Variants in ZNF423 observed in about 807,000 individuals in gnomAD.
ZNF423 encodes the protein zinc finger protein 423, also known as Ebf-associated zinc finger protein.
ZNF423 carries 12 observed loss-of-function variants against 95.8 expected under a neutral mutation model. That is an observed-to-expected ratio of 0.13 (90% CI 0.08 to 0.20). ZNF423 has a LOEUF of 0.20. Ranked by LOEUF, ZNF423 falls within the 10% of genes least tolerant of loss-of-function variation. The pLI, the probability that ZNF423 is intolerant of heterozygous loss-of-function variation, is 1.00. For synonymous variants in ZNF423, 749 were observed against 711.9 expected (o/e 1.05, Z -0.83); for missense variants, 1,316 against 1,737.1 (o/e 0.76, Z 4.31).
chr16:49,666,583 C>A (rs1006647235), intron 3 of ZNF423, among the ~76,000 whole-genome samples: 1 of 152,190 alleles, frequency 6.6e-6, no homozygotes, highest in Admixed American at 6.5e-5. Flanking sequence ...CATGGTTATA[C>A]TCAATTACAT....
At chr16:49,852,481 C>T (rs1253035945) in intron 1 of ZNF423, among the ~76,000 whole-genome samples, 1 of 152,130 alleles carries the variant, frequency 6.6e-6, no homozygotes, top group Non-Finnish European at 1.5e-5. Context: ...GAGAGAACTG[C>T]AGTGGTAATC....
At chr16:49,794,044 TC>T (rs1327980395) in intron 1 of ZNF423, among the ~76,000 whole-genome samples, 11 of 151,786 alleles carry the variant, frequency 7.2e-5, no homozygotes, top group Non-Finnish European at 1.5e-4. Flanking sequence ...TCTCTCTCTC[TC>T]TCGCTCTCTG....
At chr16:49,530,452 C>T (rs1295814634) in intron 5 of ZNF423, among the ~76,000 whole-genome samples, 1 of 152,182 alleles carries the variant, frequency 6.6e-6, no homozygotes, top group African/African-American at 2.4e-5. Context: ...CCGTCCCTCC[C>T]TCCCTCCGGC....
intron 3 of ZNF423, among the ~76,000 whole-genome samples, chr16:49,647,496 T>C (rs1315824232): frequency 6.6e-6 from 1 of 152,210 alleles, no homozygotes; most frequent in East Asian, 1.9e-4. Context: ...AAAGAGATTA[T>C]CCTGGATTAT....
intron 2 of ZNF423, among the ~76,000 whole-genome samples, chr16:49,745,298 T>C (rs1439350887): frequency 6.6e-6 from 1 of 152,222 alleles, no homozygotes; most frequent in Non-Finnish European, 1.5e-5. Flanking sequence ...CCAAAACACT[T>C]ATGTTACTAA....
chr16:49,644,247 A>C (rs1261049521), intron 3 of ZNF423, among the ~76,000 whole-genome samples: 1 of 152,132 alleles, frequency 6.6e-6, no homozygotes. Flanking sequence ...AGAGGCCCTA[A>C]AAAGAACACT....
At chr16:49,612,679 G>C (rs1971765418) in intron 5 of ZNF423, among the ~76,000 whole-genome samples, 1 of 152,172 alleles carries the variant, frequency 6.6e-6, no homozygotes, top group Middle Eastern at 3.4e-3. Flanking sequence ...GGTCTAGCCA[G>C]GGCAATAAGG....
At chr16:49,555,642 G>C (rs1285466172) in intron 5 of ZNF423, among the ~76,000 whole-genome samples, 1 of 152,202 alleles carries the variant, frequency 6.6e-6, no homozygotes, top group Non-Finnish European at 1.5e-5. Context: ...ATGGATAGAT[G>C]GTGGATGGGT....
At chr16:49,718,896 A>G (rs1198787009) in intron 3 of ZNF423, among the ~76,000 whole-genome samples, 1 of 152,172 alleles carries the variant, frequency 6.6e-6, no homozygotes. Flanking sequence ...AATTTGGGGG[A>G]AAAGCAAACA....
At chr16:49,510,078 G>A (rs1029202025) in intron 7 of ZNF423, among the ~76,000 whole-genome samples, 1 of 152,200 alleles carries the variant, frequency 6.6e-6, no homozygotes, top group African/African-American at 2.4e-5. Context: ...GCTTAAACTC[G>A]CTGTTGAGCC....
rs1050518611 is a variant in ZNF423 at position 49,723,113 on chromosome 16, G to A, written c.301+7658C>T. 1.5e-4 allele frequency among the ~76,000 whole-genome samples: 23 copies of A among 151,846 alleles called. 1 individual carries two copies. In the Middle Eastern group the frequency reaches 0.01, roughly 67 times the overall value. On this transcript the variant is annotated intron_variant, in intron 3 of 7. Transcript: ENST00000563137. Reference sequence around the variant, plus strand: ...TGGGACTACAGGCACCCGCCACCACGCCCGGCTAATTTTTTGTATTTTCAG... The same window carrying A: ...TGGGACTACAGGCACCCGCCACCACACCCGGCTAATTTTTTGTATTTTCAG...
At position 49,637,317 on chromosome 16, in the gene ZNF423, A is replaced by C; in HGVS notation, c.1859T>G (p.Val620Gly). 3.1e-6 allele frequency: 5 copies of C among 1,614,056 alleles called. No individual in the cohort carries two copies. The highest frequency in any genetic ancestry group is 4.2e-6 in the Non-Finnish European group (5 of 1,180,022). Residue 620 changes from valine (V) to glycine (G), a missense_variant, in exon 4 of 8, where the codon GTG (valine) becomes GGG (glycine). This residue lies in a region of ZNF423 where 620 missense variants were observed against 775.6 expected (regional missense o/e 0.80). Transcript: ENST00000563137. This position sits in a 1 kb window ranked among gnomAD's most constrained non-coding sequence, Gnocchi z 5.6. The stretch of plus-strand genomic sequence containing the variant: ...GAGCCGCTGCCGCTTCGGGGAAGAC[A>C]CCTCCACATCGGACGAGACTGGGCT... ...EQSPVSSDVE[V>G]SSPKRQRLSA... is the part of the protein sequence containing the mutation.
intron 5 of ZNF423, among the ~76,000 whole-genome samples, chr16:49,625,387 C>A (rs530769630): frequency 2.6e-4 from 40 of 152,310 alleles, no homozygotes; most frequent in African/African-American, 7.9e-4. Flanking sequence ...AAGTTCAACC[C>A]ATGGCTGCAA....
At position 49,638,313 on chromosome 16, in the gene ZNF423, T is replaced by C; in HGVS notation, c.863A>G (p.Lys288Arg). The change falls in exon 4 of 8, where the codon AAG becomes AGG. Residue 288 changes from lysine to arginine, a missense_variant. Around this residue, in one of 6 missense-constraint regions of ZNF423, gnomAD observed 399 missense variants for 478.5 expected, o/e 0.83. Coordinates refer to ENST00000563137, the MANE Select transcript of ZNF423 (RefSeq NM_001379286.1). The surrounding 1 kb of genome is among the most constrained non-coding windows in gnomAD (Gnocchi z 5.6). ...CTGCGGGTGGCGGGTGAGCACGTGCTTCTCCAGCTCCTCCGTCTGGCTGAA... is the reference window on the plus strand; with the variant it reads ...CTGCGGGTGGCGGGTGAGCACGTGCCTCTCCAGCTCCTCCGTCTGGCTGAA... ...DTFSQTEELE[K>R]HVLTRHPQLS... The C allele has an allele frequency of 6.2e-7, 1 of 1,614,016 alleles. No homozygotes were observed. The highest frequency in any genetic ancestry group is 1.3e-5 in the African/African-American group (1 of 75,060).
intron 3 of ZNF423, among the ~76,000 whole-genome samples, chr16:49,719,168 T>TG (rs1567309241): frequency 1.3e-5 from 2 of 152,116 alleles, no homozygotes; most frequent in Non-Finnish European, 2.9e-5. Context: ...AGGGCCTCTC[T>TG]GGGGGGCTCT....
At chr16:49,742,180 T>C (rs1413484803) in intron 2 of ZNF423, among the ~76,000 whole-genome samples, 3 of 152,122 alleles carry the variant, frequency 2.0e-5, no homozygotes, top group Non-Finnish European at 2.9e-5. Flanking sequence ...CATGCACGAA[T>C]GAATGACTCT....
At chr16:49,854,636 C>A in intron 1 of ZNF423, 1 of 985,352 alleles carries the variant, frequency 1.0e-6, no homozygotes. Context: ...CGCCCGGGCA[C>A]CCAACCGAGG....
At chr16:49,598,119 C>T (rs186989307) in intron 5 of ZNF423, among the ~76,000 whole-genome samples, 76 of 148,420 alleles carry the variant, frequency 5.1e-4, no homozygotes, top group African/African-American at 1.7e-3. Flanking sequence ...TGTTCCTCAA[C>T]TTCTCCTCAC....
intron 3 of ZNF423, among the ~76,000 whole-genome samples, chr16:49,674,364 G>A (rs900529216): frequency 4.6e-5 from 7 of 152,152 alleles, no homozygotes; most frequent in Admixed American, 2.0e-4. Context: ...GTGTGTTCTC[G>A]GCTGGGGAGC....
Sources: gnomAD v4.1 joint callset for allele counts (sites outside exome capture counted in the v4.1 genomes callset) on GRCh38, gnomAD v4.1.1 for gene constraint, gnomAD v4.1.1 regional missense constraint, Gnocchi (gnomAD v3.1) non-coding constraint, MANE v1.5 for transcripts, NCBI Gene and HGNC (gene_info 2026-07-23, HGNC 2026-07-21) for gene names.